The following ATXN7 variants were observed in gnomAD, a reference collection of about 807,000 sequenced individuals.
The protein encoded by ATXN7 is ataxin 7.
A neutral mutation model predicts 70.5 loss-of-function variants in ATXN7; 12 were observed. The ratio of observed to expected loss-of-function variants is 0.17; its 90% CI spans 0.11 to 0.28. The LOEUF (loss-of-function observed/expected upper bound fraction) is 0.28, where lower values mean the gene tolerates loss of function less well. ATXN7 is among the 10% of genes least tolerant of loss of function. The probability of loss-of-function intolerance (pLI) is 1.00; values close to 1 mark genes in which losing one functional copy is unlikely to be tolerated. For synonymous variants in ATXN7, 498 were observed against 448.7 expected (o/e 1.11, Z -1.39); for missense variants, 1,256 against 1,131.7 (o/e 1.11, Z -1.58).
chr3:63,995,531 C>T lies in ATXN7; in HGVS notation c.1709C>T (p.Thr570Ile). The change falls in exon 12 of 13, where the codon ACC becomes ATC. Residue 570 changes from threonine to isoleucine, a missense_variant. Thr to Ile is a moderately conservative substitution (Grantham distance 89). Coordinates refer to ENST00000674280, the MANE Select transcript of ATXN7 (RefSeq NM_001377405.1). ...WKKIPPVPST[T>I]SPISTRIPHR... ...AAAATCCCACCAGTGCCCAGTACCA[C>T]CTCACCCATCTCCACACGTATTCCT... 1 of 1,614,144 alleles carries T rather than the reference C, an allele frequency of 6.2e-7. No individual in the cohort carries two copies. Among genetic ancestry groups the T allele is most frequent in the Non-Finnish European group, 8.5e-7 (1 of 1,180,032 alleles).
chr3:63,991,216 A>G (rs1340194958), intron 11 of ATXN7, among the ~76,000 whole-genome samples: 1 of 152,178 alleles, frequency 6.6e-6, no homozygotes, highest in Non-Finnish European at 1.5e-5. Context: ...GTGAGAGCCA[A>G]CTATACACCA....
In ATXN7 at chr3:63,983,057, G is replaced by C. The variant is rs374380476; in HGVS notation, c.1095+36G>C. 2.6e-6 allele frequency: 4 copies of C among 1,518,982 alleles called. No individual in the cohort carries two copies. The African/African-American group carries it at 5.5e-5, about 21-fold the overall frequency. The allele number at this position is 1,518,982 out of a possible 1,614,324, so 94.1% of individuals were successfully genotyped here. On this transcript the variant is annotated intron_variant, in intron 8 of 12. Transcript: ENST00000674280. ...TCCTGAAAGTCAAGTCGACCATCCT[G>C]ATAAACATGGGTGACTGGGATGTAC...
At chr3:63,983,046 T>A in intron 8 of ATXN7, 25 bp downstream of exon 8, 7 of 1,579,984 alleles carry the variant, frequency 4.4e-6, no homozygotes, top group Non-Finnish European at 6.1e-6. Flanking sequence ...GAAAGTCAAG[T>A]CGACCATCCT....
intron 2 of ATXN7, among the ~76,000 whole-genome samples, chr3:63,899,944 C>G (rs1217267950): frequency 1.3e-5 from 2 of 152,062 alleles, no homozygotes; most frequent in Non-Finnish European, 2.9e-5. Flanking sequence ...ATTAGTCAAG[C>G]ACAGTGGTGC....
chr3:63,997,868 A>G, intron 12 of ATXN7: 1 of 985,368 alleles, frequency 1.0e-6, no homozygotes, highest in Non-Finnish European at 1.2e-6. Context: ...TATGGGGAAA[A>G]TATTTGTGAA....
intron 4 of ATXN7, among the ~76,000 whole-genome samples, chr3:63,936,340 A>T (rs1019540373): frequency 6.6e-6 from 1 of 152,200 alleles, no homozygotes; most frequent in Non-Finnish European, 1.5e-5. Flanking sequence ...TCAGTGACAC[A>T]GCTTACTGTG....
intron 4 of ATXN7, among the ~76,000 whole-genome samples, chr3:63,942,669 C>T (rs1339922367): frequency 6.6e-6 from 1 of 152,188 alleles, no homozygotes; most frequent in Non-Finnish European, 1.5e-5. Context: ...GTAGTGGCTA[C>T]AGACCAGTAG....
chr3:63,989,220 G>A (rs1453105510), intron 9 of ATXN7, among the ~76,000 whole-genome samples: 1 of 152,214 alleles, frequency 6.6e-6, no homozygotes, highest in East Asian at 1.9e-4. Context: ...TCAGAGTGTG[G>A]TCAGGACCTG....
At chr3:63,917,588 A>G (rs759596977) in intron 4 of ATXN7, among the ~76,000 whole-genome samples, 1 of 152,190 alleles carries the variant, frequency 6.6e-6, no homozygotes, top group Non-Finnish European at 1.5e-5. Context: ...CTCTAAGTCT[A>G]ACCGTTGTGT....
At chr3:63,915,689 T>TA (rs199532117) in intron 4 of ATXN7, among the ~76,000 whole-genome samples, 20 of 150,694 alleles carry the variant, frequency 1.3e-4, no homozygotes, top group Non-Finnish European at 2.8e-4. Flanking sequence ...TTTATTTATT[T>TA]TTTTTTTTTT....
chr3:63,893,617 A>G (rs989891833), intron 1 of ATXN7, among the ~76,000 whole-genome samples: 1 of 152,216 alleles, frequency 6.6e-6, no homozygotes, highest in Non-Finnish European at 1.5e-5. Flanking sequence ...CGAAGTGTTG[A>G]GAAAGCCCTA....
At chr3:63,873,228 A>AT (rs1702648289) in intron 1 of ATXN7, among the ~76,000 whole-genome samples, 1 of 152,204 alleles carries the variant, frequency 6.6e-6, no homozygotes, top group Non-Finnish European at 1.5e-5. Context: ...AATCAGCCAG[A>AT]GATCTTTGGT....
At chr3:63,994,396 G>T (rs1284258990) in intron 11 of ATXN7, among the ~76,000 whole-genome samples, 4 of 151,948 alleles carry the variant, frequency 2.6e-5, no homozygotes, top group Admixed American at 2.6e-4. Flanking sequence ...CACCATGCCC[G>T]GCTAATTTTT....
At chr3:63,947,311 C>T (rs564342225) in intron 4 of ATXN7, among the ~76,000 whole-genome samples, 4 of 152,088 alleles carry the variant, frequency 2.6e-5, no homozygotes, top group Non-Finnish European at 4.4e-5. Context: ...GCTGGCCAGG[C>T]GCAGTAGCTC....
At chr3:63,973,249 T>G (rs1262230266) in intron 5 of ATXN7, among the ~76,000 whole-genome samples, 3 of 152,172 alleles carry the variant, frequency 2.0e-5, no homozygotes, top group Non-Finnish European at 4.4e-5. Context: ...TCAGGCTGAT[T>G]ACTCAACCCA....
At chr3:63,987,987 T>C in intron 8 of ATXN7, 72 bp from the exon 9 acceptor site, 1 of 1,547,494 alleles carries the variant, frequency 6.5e-7, no homozygotes, top group Non-Finnish European at 8.8e-7. Flanking sequence ...TTGGGAGTGG[T>C]GTTTTGGGAT....
chr3:63,863,502 A>C (rs1575820816), upstream of ATXN7: 4 of 1,182,774 alleles, frequency 3.4e-6, no homozygotes, highest in African/African-American at 4.8e-5. Context: ...CTCCCGGCAC[A>C]CCCTATAGCC....
chr3:63,953,168 TC>T (rs921354230), intron 5 of ATXN7, among the ~76,000 whole-genome samples: 19 of 152,200 alleles, frequency 1.2e-4, no homozygotes, highest in African/African-American at 4.3e-4. Flanking sequence ...ATAAGTTTTT[TC>T]CTCATTGCTC....
Position 64,002,944 on chromosome 3 carries a change from G to GA in ATXN7, c.*3484dup, listed in dbSNP as rs1192720085. On this transcript the variant is annotated 3_prime_UTR_variant, in exon 13 of 13. Transcript: ENST00000674280. ...ACAAAGAAGTACCTCTGAGAACATT[G>GA]AAAAAAATGTATAATTTGAAAAATG... The GA allele has an allele frequency of 6.6e-6, 1 of 151,856 alleles. No individual in the cohort carries two copies. Among genetic ancestry groups the GA allele is most frequent in the East Asian group, 1.9e-4 (1 of 5,174 alleles). 9.4% of individuals were successfully genotyped at this position (151,856 alleles called of 1,614,324 possible). A position where few individuals can be genotyped will look rare whatever the true frequency, so the allele number is the denominator to read the frequency against.
Sources: gnomAD v4.1 joint callset for allele counts (sites outside exome capture counted in the v4.1 genomes callset) on GRCh38, gnomAD v4.1.1 for gene constraint, MANE v1.5 for transcripts, NCBI Gene and HGNC (gene_info 2026-07-23, HGNC 2026-07-21) for gene names.